NELL2: variants seen among roughly 807,000 people sequenced by gnomAD.
The protein encoded by NELL2 is neural EGFL like 2, also known as protein kinase C-binding protein NELL2.
In NELL2, 41 loss-of-function variants were observed where a neutral mutation model predicts 109.6. The ratio of observed to expected loss-of-function variants is 0.37; its 90% CI spans 0.29 to 0.49. NELL2 has a LOEUF of 0.49. Ranked by LOEUF, NELL2 falls within the 20% of genes least tolerant of loss-of-function variation. The pLI is 0.98. For synonymous variants in NELL2, 355 were observed against 344.7 expected (o/e 1.03, Z -0.33); for missense variants, 900 against 1,008.3 (o/e 0.89, Z 1.45).
upstream of NELL2, chr12:44,876,360 A>C: frequency 3.5e-6 from 3 of 868,730 alleles, no homozygotes; most frequent in Non-Finnish European, 3.0e-6. Flanking sequence ...TCCTCCGGGG[A>C]GGGAGGGGCG....
intron 15 of NELL2, among the ~76,000 whole-genome samples, chr12:44,542,273 T>C (rs1055131964): frequency 1.3e-5 from 2 of 149,952 alleles, no homozygotes. Flanking sequence ...TGTACCTCAA[T>C]GTCCTCTATA....
intron 13 of NELL2, among the ~76,000 whole-genome samples, chr12:44,628,817 G>A (rs1416286419): frequency 2.6e-5 from 4 of 152,136 alleles, no homozygotes; most frequent in Non-Finnish European, 2.9e-5. Context: ...CGTATCAGGT[G>A]TGCCCACCTA....
rs74804744 is a variant in NELL2 at position 44,763,740 on chromosome 12, C to T, written c.994+11007G>A. 5.5e-3 allele frequency among the ~76,000 whole-genome samples: 843 copies of T among 152,022 alleles called. 11 individuals carry two copies. Among genetic ancestry groups the T allele is most frequent in the East Asian group, 0.033 (169 of 5,178 alleles). ...TCAAGTGGTACAGAGCACAATTCTA[C>T]GAGGAAGGATTAATGGGAGAATTTT... On this transcript the variant is annotated intron_variant, in intron 9 of 19. Transcript: ENST00000429094.
chr12:44,808,505 A>G (rs1484139984), intron 3 of NELL2, among the ~76,000 whole-genome samples: 1 of 152,046 alleles, frequency 6.6e-6, no homozygotes, highest in South Asian at 2.1e-4. Flanking sequence ...GAAACACTTC[A>G]AGAAAATAAA....
chr12:44,551,622 C>G (rs1458276570), intron 15 of NELL2, among the ~76,000 whole-genome samples: 1 of 152,074 alleles, frequency 6.6e-6, no homozygotes. Flanking sequence ...TTCACACAGG[C>G]AATAGCAACA....
At chr12:44,882,509 C>T (rs1945425662) in intron 1 of NELL2, among the ~76,000 whole-genome samples, 4 of 151,432 alleles carry the variant, frequency 2.6e-5, no homozygotes, top group East Asian at 3.9e-4. Context: ...CACACACGCA[C>T]ACACACGCAC....
chr12:44,573,666 G>A (rs1943957323), intron 15 of NELL2, among the ~76,000 whole-genome samples: 1 of 152,192 alleles, frequency 6.6e-6, no homozygotes, highest in Non-Finnish European at 1.5e-5. Flanking sequence ...GATAGTCACA[G>A]AATATATGGT....
intron 9 of NELL2, among the ~76,000 whole-genome samples, chr12:44,739,895 A>T (rs572249007): frequency 6.6e-6 from 1 of 152,302 alleles, no homozygotes; most frequent in Admixed American, 6.5e-5. Context: ...ATCTTAAAAC[A>T]CAACAACAAC....
intron 3 of NELL2, among the ~76,000 whole-genome samples, chr12:44,804,607 C>A (rs930893777): frequency 1.3e-5 from 2 of 151,700 alleles, no homozygotes; most frequent in Admixed American, 6.6e-5. Context: ...TTTAAATGAG[C>A]CCTTTGTAAA....
intron 15 of NELL2, among the ~76,000 whole-genome samples, chr12:44,540,767 G>T (rs1166699953): frequency 6.5e-5 from 2 of 30,676 alleles, no homozygotes; most frequent in Non-Finnish European, 1.2e-4. Context: ...GCTTACTAAT[G>T]TAAGTCTGCA....
In NELL2 at chr12:44,875,910, T is replaced by C. The variant is rs751910255; in HGVS notation, c.-41A>G. On this transcript the variant is annotated 5_prime_UTR_variant, in exon 1 of 20. Transcript: ENST00000429094. ...AGTCCATCGTCTCCCTCTTTAAAAA[T>C]AAAAATAAAAATCGAAGAGGTTCTT... is the stretch of plus-strand genomic sequence containing the variant. 3 of 1,612,584 alleles carry C rather than the reference T, an allele frequency of 1.9e-6. No individual in the cohort carries two copies. Among genetic ancestry groups the C allele is most frequent in the Non-Finnish European group, 2.5e-6 (3 of 1,179,938 alleles).
chr12:44,731,310 C>T (rs1004297273), intron 9 of NELL2, among the ~76,000 whole-genome samples: 1 of 152,048 alleles, frequency 6.6e-6, no homozygotes, highest in African/African-American at 2.4e-5. Context: ...GTACTACAAG[C>T]CAGTATCCCA....
At chr12:44,722,245 C>T (rs1938816236) in intron 9 of NELL2, among the ~76,000 whole-genome samples, 1 of 151,874 alleles carries the variant, frequency 6.6e-6, no homozygotes, top group Non-Finnish European at 1.5e-5. Flanking sequence ...GCACGATGAA[C>T]TGCAACCTCA....
intron 12 of NELL2, among the ~76,000 whole-genome samples, chr12:44,686,800 C>T (rs941573287): frequency 1.2e-4 from 18 of 152,158 alleles, no homozygotes; most frequent in Non-Finnish European, 1.9e-4. Flanking sequence ...GTGCTGGGAG[C>T]GCCACTGCTC....
At chr12:44,761,235 C>G (rs1941111872) in intron 9 of NELL2, among the ~76,000 whole-genome samples, 1 of 151,990 alleles carries the variant, frequency 6.6e-6, no homozygotes, top group African/African-American at 2.4e-5. Context: ...GTGCTGCATG[C>G]CGGTAATCCC....
chr12:44,644,608 G>GCC (rs1947007551), intron 13 of NELL2, among the ~76,000 whole-genome samples: 1 of 90,830 alleles, frequency 1.1e-5, no homozygotes, highest in South Asian at 3.7e-4. Context: ...ATATATGTAT[G>GCC]TATATATATA....
In NELL2 at chr12:44,776,018, A is replaced by G; in HGVS notation, c.891+4T>C. On this transcript the variant is annotated splice_donor_region_variant and intron_variant, in intron 8 of 19. Transcript: ENST00000429094. ...CTTAGTCTCAACTCAAATAGAAGCC[A>G]TACCAGGCATGTGCAGTTCTTACAG... 6.2e-7 allele frequency: 1 copy of G among 1,611,778 alleles called. No individual in the cohort carries two copies. The highest frequency in any genetic ancestry group is 2.2e-5 in the East Asian group (1 of 44,820).
At chr12:44,633,358 T>C (rs1309792000) in intron 13 of NELL2, among the ~76,000 whole-genome samples, 1 of 152,068 alleles carries the variant, frequency 6.6e-6, no homozygotes, top group Admixed American at 6.6e-5. Context: ...TTTTACTTTG[T>C]GATAAGTTAG....
chr12:44,857,574 A>C (rs116238572), intron 2 of NELL2, among the ~76,000 whole-genome samples: 4 of 152,204 alleles, frequency 2.6e-5, no homozygotes, highest in African/African-American at 9.6e-5. Flanking sequence ...CGCCAAGGTT[A>C]TCCAGACAGA....
Sources: gnomAD v4.1 joint callset for allele counts (sites outside exome capture counted in the v4.1 genomes callset) on GRCh38, gnomAD v4.1.1 for gene constraint, MANE v1.5 for transcripts, NCBI Gene and HGNC (gene_info 2026-07-23, HGNC 2026-07-21) for gene names.